The following TRIM15 variants were observed in gnomAD, a reference collection of about 807,000 sequenced individuals.
The protein encoded by TRIM15 is E3 ubiquitin-protein ligase TRIM15.
Under a neutral mutation model 35.8 loss-of-function variants are expected in TRIM15, and 35 were observed. The ratio of observed to expected loss-of-function variants is 0.98; its 90% CI spans 0.75 to 1.30. TRIM15 has a LOEUF of 1.30. Ranked by LOEUF, TRIM15 falls within the 50% of genes most tolerant of loss-of-function variation. The pLI is 0.00. For missense variants in TRIM15, 590 were observed against 593.5 expected (o/e 0.99, Z 0.06); for synonymous variants, 252 against 249.8 (o/e 1.01, Z -0.08).
intron 4 of TRIM15, chr6:30,169,726 T>C (rs1267253286): frequency 2.8e-6 from 1 of 358,968 alleles, no homozygotes; most frequent in Non-Finnish European, 5.4e-6. Flanking sequence ...AATGCTACTG[T>C]AAAAGGACAG....
chr6:30,164,086 T>A (rs548142034), intron 1 of TRIM15, 21 bp downstream of exon 1: 1 of 1,596,494 alleles, frequency 6.3e-7, no homozygotes, highest in Non-Finnish European at 8.5e-7. Flanking sequence ...TAGCTTTACC[T>A]AGGGCCTGTT....
intron 1 of TRIM15, 27 bp from the exon 2 acceptor site, chr6:30,167,149 T>C: frequency 6.3e-7 from 1 of 1,581,894 alleles, no homozygotes; most frequent in Non-Finnish European, 8.7e-7. Context: ...TTCAGTCACC[T>C]CTATCCACCC....
chr6:30,167,869 T>C lies in TRIM15; in HGVS notation c.478-431T>C, dbSNP rs148078857. Among the ~76,000 whole-genome samples the C allele has an allele frequency of 4.3e-3, 662 of 152,284 alleles. 2 individuals are homozygous for C. The highest frequency in any genetic ancestry group is 0.011 in the African/African-American group (468 of 41,550). ...CACCATCCCTCAGCTCTCATCAACG[T>C]ATGCCCTGTAGTTGGTGATTTCCAC... On this transcript the variant is annotated intron_variant, in intron 2 of 6. Coordinates refer to ENST00000376694, the MANE Select transcript of TRIM15 (RefSeq NM_033229.3).
In TRIM15 at chr6:30,172,399, C is replaced by A; in HGVS notation, c.*50C>A. The A allele has an allele frequency of 6.4e-7, 1 of 1,551,056 alleles. No individual in the cohort carries two copies. Among genetic ancestry groups the A allele is most frequent in the Non-Finnish European group, 8.7e-7 (1 of 1,153,532 alleles). ...AGCGGAGACGGCGGCTCTCCGGGAT[C>A]CAGCTCCGCCCCTGGCCAGTGTGCG... On this transcript the variant is annotated 3_prime_UTR_variant, in exon 7 of 7. Coordinates refer to ENST00000376694, the MANE Select transcript of TRIM15 (RefSeq NM_033229.3).
At position 30,172,251 on chromosome 6, in the gene TRIM15, C is replaced by T. The variant is rs1223534053; in HGVS notation, c.1300C>T (p.Gln434Ter). The change falls in exon 7 of 7, where the codon CAG (glutamine) becomes TAG (stop). Residue 434 changes from glutamine (Q) to a stop codon, truncating the protein, a stop_gained. Coordinates refer to ENST00000376694, the MANE Select transcript of TRIM15 (RefSeq NM_033229.3). LOFTEE classifies it low-confidence loss of function (END_TRUNC). ...GQVTLHNAQTQEPIFTFTASF... is the reference protein window; with the variant it reads ...GQVTLHNAQT ...GGTGACCCTCCACAACGCCCAGACC[C>T]AGGAGCCCATCTTCACCTTCACTGC... 1 of 1,612,836 alleles carries T rather than the reference C, an allele frequency of 6.2e-7. No individual in the cohort carries two copies. Among genetic ancestry groups the T allele is most frequent in the Non-Finnish European group, 8.5e-7 (1 of 1,179,932 alleles).
At chr6:30,170,396 A>C in intron 4 of TRIM15, 105 bp from the exon 5 acceptor site, 1 of 677,210 alleles carries the variant, frequency 1.5e-6, no homozygotes, top group Non-Finnish European at 2.6e-6. Flanking sequence ...ATTATTCACC[A>C]CAGACGCCAA....
chr6:30,172,337 G>T lies in TRIM15; in HGVS notation c.1386G>T (p.Thr462=), dbSNP rs1227444224. 4 of 1,604,236 alleles carry T rather than the reference G, an allele frequency of 2.5e-6. No individual in the cohort carries two copies. Among genetic ancestry groups the T allele is most frequent in the Non-Finnish European group, 2.6e-6 (3 of 1,175,468 alleles). Residue 462 remains threonine, a synonymous_variant, in exon 7 of 7, where the codon ACG becomes ACT. Coordinates refer to ENST00000376694, the MANE Select transcript of TRIM15 (RefSeq NM_033229.3). ...FAVWKKGSCL[T]LKG ...TCTGGAAAAAAGGTTCCTGCCTTAC[G>T]CTGAAAGGCTGAAGTGGGGCGCGCG... is the stretch of plus-strand genomic sequence containing the variant.
Position 30,171,828 on chromosome 6 carries a change from C to G in TRIM15, c.881-4C>G. 1 of 1,541,660 alleles carries G rather than the reference C, an allele frequency of 6.5e-7. No individual in the cohort carries two copies. Among genetic ancestry groups the G allele is most frequent in the Non-Finnish European group, 8.7e-7 (1 of 1,145,116 alleles). On this transcript the variant is annotated splice_polypyrimidine_tract_variant and splice_region_variant and intron_variant, in intron 6 of 6. Coordinates refer to ENST00000376694, the MANE Select transcript of TRIM15 (RefSeq NM_033229.3). Reference sequence around the variant, plus strand: ...TGTTGATGTCTGCGCGCTCCTCCCTCTAGGGGTCATCACTCTGGACCCTCA... The same window carrying G: ...TGTTGATGTCTGCGCGCTCCTCCCTGTAGGGGTCATCACTCTGGACCCTCA...
intron 3 of TRIM15, among the ~76,000 whole-genome samples, chr6:30,169,000 C>A (rs1288539583): frequency 6.6e-6 from 1 of 152,158 alleles, no homozygotes; most frequent in South Asian, 2.1e-4. Flanking sequence ...ATTGCAGACA[C>A]AACCCACCCC....
At chr6:30,164,968 G>GT (rs1371686111) in intron 1 of TRIM15, among the ~76,000 whole-genome samples, 3 of 152,088 alleles carry the variant, frequency 2.0e-5, no homozygotes, top group Non-Finnish European at 4.4e-5. Context: ...TGCACTTGCT[G>GT]TTTTTTCCTG....
At chr6:30,167,990 C>T (rs756929471) in intron 2 of TRIM15, among the ~76,000 whole-genome samples, 6 of 152,162 alleles carry the variant, frequency 3.9e-5, no homozygotes, top group Non-Finnish European at 7.3e-5. Flanking sequence ...TCTTCCCCAC[C>T]TAACTCTAAG....
chr6:30,172,367 G>C lies in TRIM15; in HGVS notation c.*18G>C, dbSNP rs1242626414. The C allele has an allele frequency of 7.6e-6, 12 of 1,574,826 alleles. No homozygotes were observed. Among genetic ancestry groups the C allele is most frequent in the Non-Finnish European group, 8.6e-6 (10 of 1,161,612 alleles). ...AAGGCTGAAGTGGGGCGCGCGAAGG[G>C]CGGCGAAGCGGAGACGGCGGCTCTC... On this transcript the variant is annotated 3_prime_UTR_variant, in exon 7 of 7. Transcript: ENST00000376694.
rs1391152823 is a variant in TRIM15, at chr6:30,164,018, C to G, written c.334C>G (p.Gln112Glu). 1 of 1,613,042 alleles carries G rather than the reference C, an allele frequency of 6.2e-7. No individual in the cohort carries two copies. The highest frequency in any genetic ancestry group is 8.5e-7 in the Non-Finnish European group (1 of 1,179,986). ...GTTCTGCAGGGAGGGTCCCACGCAC[C>G]AGGCGCACACCGTGGGGTTCCTGGA... The part of the protein sequence containing the change: ...CVFCREGPTH[Q>E]AHTVGFLDEA... The change falls in exon 1 of 7, where the codon CAG becomes GAG. Residue 112 changes from glutamine (Q) to glutamate (E), a missense_variant. By Grantham distance (29) the Gln-to-Glu change is conservative. Transcript: ENST00000376694.
chr6:30,168,799 A>G (rs983022251), intron 3 of TRIM15, among the ~76,000 whole-genome samples: 2 of 152,236 alleles, frequency 1.3e-5, no homozygotes, highest in African/African-American at 2.4e-5. Context: ...GGGGACAGCA[A>G]TAGCACCTCC....
intron 4 of TRIM15, 53 bp from the exon 5 acceptor site, chr6:30,170,448 C>T: frequency 7.9e-7 from 1 of 1,260,492 alleles, no homozygotes; most frequent in Non-Finnish European, 1.2e-6. Context: ...TGGTCTCACC[C>T]GAACATTTGT....
intron 4 of TRIM15, 39 bp from the exon 5 acceptor site, chr6:30,170,462 T>C: frequency 6.9e-7 from 1 of 1,440,940 alleles, no homozygotes. Flanking sequence ...CATTTGTTTT[T>C]GGAATTTGGA....
At chr6:30,168,060 A>G (rs1773737853) in intron 2 of TRIM15, among the ~76,000 whole-genome samples, 1 of 152,220 alleles carries the variant, frequency 6.6e-6, no homozygotes, top group Non-Finnish European at 1.5e-5. Flanking sequence ...AAAGTTCAAC[A>G]TCATTCTGAG....
intron 2 of TRIM15, among the ~76,000 whole-genome samples, chr6:30,168,063 A>T (rs1447673132): frequency 6.6e-6 from 1 of 152,226 alleles, no homozygotes; most frequent in Non-Finnish European, 1.5e-5. Context: ...GTTCAACATC[A>T]TTCTGAGAGC....
Position 30,172,103 on chromosome 6 carries a change from C to T in TRIM15, c.1152C>T (p.Asp384=), listed in dbSNP as rs1298208687. ...GAGAGATGGGACTCAGCGCCGAGGA[C>T]GGCGTCTGGGCCGTGATCATCTCGC... The part of the protein sequence containing the change: ...RKGEMGLSAE[D]GVWAVIISHQ... Residue 384 remains aspartate, a synonymous_variant, in exon 7 of 7, where the codon GAC becomes GAT. Transcript: ENST00000376694. 1.7e-5 allele frequency: 27 copies of T among 1,577,644 alleles called. No individual in the cohort carries two copies. The East Asian group carries it at 3.7e-4, about 22-fold the overall frequency.
Sources: gnomAD v4.1 joint callset for allele counts (sites outside exome capture counted in the v4.1 genomes callset) on GRCh38, gnomAD v4.1.1 for gene constraint, MANE v1.5 for transcripts, NCBI Gene and HGNC (gene_info 2026-07-23, HGNC 2026-07-21) for gene names.